The following WDR64 variants were observed in gnomAD, a reference collection of about 807,000 sequenced individuals.
The protein encoded by WDR64 is WD repeat domain 64.
A neutral mutation model predicts 139.3 loss-of-function variants in WDR64; 112 were observed. The ratio of observed to expected loss-of-function variants is 0.80; its 90% confidence interval spans 0.69 to 0.94. WDR64 has a LOEUF of 0.94. Ranked by LOEUF, WDR64 falls within the 40% of genes least tolerant of loss-of-function variation. The probability of loss-of-function intolerance (pLI) is 0.00; values close to 1 mark genes in which losing one functional copy is unlikely to be tolerated. For synonymous variants in WDR64, 444 were observed against 437.7 expected (o/e 1.01, Z -0.18); for missense variants, 1,206 against 1,293.1 (o/e 0.93, Z 1.03).
intron 15 of WDR64, among the ~76,000 whole-genome samples, chr1:241,761,703 A>G (rs1433623742): frequency 6.6e-6 from 1 of 152,180 alleles, no homozygotes; most frequent in Non-Finnish European, 1.5e-5. Flanking sequence ...AATTCTCTTA[A>G]ACCCTGCCTC....
In WDR64 at chr1:241,783,398, T is replaced by A. The variant is rs762166805; in HGVS notation, c.2705+17T>A. The A allele has an allele frequency of 1.3e-6, 2 of 1,581,700 alleles. No homozygotes were observed. The highest frequency in any genetic ancestry group is 1.7e-6 in the Non-Finnish European group (2 of 1,152,590). On this transcript the variant is annotated intron_variant, in intron 23 of 27. Coordinates refer to ENST00000437684, the MANE Select transcript of WDR64 (RefSeq NM_001367482.1). ...CTCAGTAAGGTAGGCCAAGATGGCA[T>A]CATACTGTGAATTCAGTACTGTGAG...
chr1:241,733,399 C>T (rs1350011995), intron 10 of WDR64, among the ~76,000 whole-genome samples: 2 of 151,686 alleles, frequency 1.3e-5, no homozygotes, highest in East Asian at 1.9e-4. Context: ...TGCTTGAACC[C>T]GGGAGATGGA....
At chr1:241,735,326 C>A (rs1236183596) in intron 10 of WDR64, among the ~76,000 whole-genome samples, 1 of 137,666 alleles carries the variant, frequency 7.3e-6, no homozygotes, top group African/African-American at 2.7e-5. Context: ...TGAGTAGTTT[C>A]TACACTTTGT....
chr1:241,773,855 A>G (rs1658554261), intron 20 of WDR64, among the ~76,000 whole-genome samples: 2 of 152,198 alleles, frequency 1.3e-5, no homozygotes, highest in African/African-American at 2.4e-5. Context: ...TAAATATCTT[A>G]CTGGATATTT....
At chr1:241,690,585 G>A (rs1667181548) in intron 8 of WDR64, among the ~76,000 whole-genome samples, 1 of 152,138 alleles carries the variant, frequency 6.6e-6, no homozygotes, top group South Asian at 2.1e-4. Context: ...AAGAACAGTT[G>A]AGTGAAATAT....
At chr1:241,726,888 C>G (rs10802984) in intron 10 of WDR64, among the ~76,000 whole-genome samples, 62,757 of 150,884 alleles carry the variant, frequency 0.42, 13,116 homozygotes, top group South Asian at 0.48. Context: ...GTAATAAGGA[C>G]AAAGTTTTTT....
At chr1:241,754,587 GA>G (rs1225922673) in intron 14 of WDR64, among the ~76,000 whole-genome samples, 5 of 152,024 alleles carry the variant, frequency 3.3e-5, no homozygotes. Context: ...CAAAGTGCTG[GA>G]ATTACAGGCG....
chr1:241,739,925 T>C (rs1434516733), intron 11 of WDR64, among the ~76,000 whole-genome samples: 1 of 152,236 alleles, frequency 6.6e-6, no homozygotes, highest in African/African-American at 2.4e-5. Flanking sequence ...CCAATGACAG[T>C]AGCACCACGT....
intron 21 of WDR64, among the ~76,000 whole-genome samples, chr1:241,777,522 A>C (rs1658697676): frequency 6.6e-6 from 1 of 151,082 alleles, no homozygotes; most frequent in Non-Finnish European, 1.5e-5. Context: ...GGTTCAAGCA[A>C]TTTTCCCACC....
At chr1:241,709,643 G>T (rs1413513511) in intron 8 of WDR64, among the ~76,000 whole-genome samples, 2 of 152,118 alleles carry the variant, frequency 1.3e-5, no homozygotes, top group African/African-American at 2.4e-5. Flanking sequence ...GTTAGGCTTT[G>T]TGAGCCCCAG....
intron 10 of WDR64, among the ~76,000 whole-genome samples, chr1:241,726,908 C>G (rs1258449478): frequency 6.7e-6 from 1 of 148,582 alleles, no homozygotes; most frequent in African/African-American, 2.5e-5. Context: ...TTTTTTGAGA[C>G]GAAGTTTCAT....
chr1:241,785,410 G>T (rs1036652283), intron 23 of WDR64, among the ~76,000 whole-genome samples: 12 of 152,074 alleles, frequency 7.9e-5, no homozygotes, highest in African/African-American at 2.9e-4. Flanking sequence ...GCTCCCTCGG[G>T]CCTCTTTTTA....
At chr1:241,708,679 G>T (rs1005645781) in intron 8 of WDR64, among the ~76,000 whole-genome samples, 3 of 141,468 alleles carry the variant, frequency 2.1e-5, no homozygotes, top group African/African-American at 8.2e-5. Context: ...TCAAGTTAGG[G>T]CTGAGGTCCA....
chr1:241,751,302 A>G (rs1198040141), intron 14 of WDR64, among the ~76,000 whole-genome samples: 2 of 152,162 alleles, frequency 1.3e-5, no homozygotes, highest in African/African-American at 2.4e-5. Flanking sequence ...AACAAGCTTT[A>G]TAATAAATTT....
At chr1:241,675,123 C>CCTGCCTCCCTT (rs1666471264) in intron 4 of WDR64, among the ~76,000 whole-genome samples, 1 of 17,298 alleles carries the variant, frequency 5.8e-5, no homozygotes, top group Non-Finnish European at 8.8e-5. Context: ...CTCCCTCCCT[C>CCTGCCTCCCTT]CTTCCCTCCT....
At position 241,677,286 on chromosome 1, in the gene WDR64, TCTGTTCTGCTACTCA is replaced by T. The variant is rs1666593572; in HGVS notation, c.484-899_484-885del. On this transcript the variant is annotated intron_variant, in intron 4 of 27. Transcript: ENST00000437684. The stretch of plus-strand genomic sequence containing the variant: ...AAAGAGAAACAGAAACCACAGGTGT[TCTGTTCTGCTACTCA>T]CCGGTTTTCTTACAGCGATGTATTT... The T allele has an allele frequency of 4.5e-5, 18 of 398,506 alleles. No homozygotes were observed. In the East Asian group the frequency reaches 6.4e-4, roughly 14 times the overall value. The allele number at this position is 398,506 out of a possible 1,614,324, so 24.7% of individuals were successfully genotyped here. A position where few individuals can be genotyped will look rare whatever the true frequency, so the allele number is the denominator to read the frequency against.
Position 241,703,462 on chromosome 1 carries a change from T to TG in WDR64, c.975-8340_975-8339insG, listed in dbSNP as rs1667810686. On this transcript the variant is annotated intron_variant, in intron 8 of 27. Coordinates refer to ENST00000437684, the MANE Select transcript of WDR64 (RefSeq NM_001367482.1). This position sits in a 1 kb window ranked among gnomAD's most constrained non-coding sequence, Gnocchi z 5.9. ...TTGATAGGGGACTCTATCAAAAAGT[T>TG]TTTTTTTTTTTTCTGTTTTGAAGAA... 2.0e-5 allele frequency among the ~76,000 whole-genome samples: 3 copies of TG among 150,504 alleles called. No homozygotes were observed. Among genetic ancestry groups the TG allele is most frequent in the Admixed American group, 1.3e-4 (2 of 15,048 alleles).
At chr1:241,775,545 T>A (rs1658629358) in intron 21 of WDR64, among the ~76,000 whole-genome samples, 1 of 152,056 alleles carries the variant, frequency 6.6e-6, no homozygotes, top group Admixed American at 6.6e-5. Context: ...GCATTAATCT[T>A]AATTATTAAA....
intron 8 of WDR64, among the ~76,000 whole-genome samples, chr1:241,698,116 G>A (rs1406793283): frequency 6.6e-6 from 1 of 152,064 alleles, no homozygotes; most frequent in Non-Finnish European, 1.5e-5. Context: ...TCTGCACTTG[G>A]ATATCTCATA....
Sources: gnomAD v4.1 joint callset for allele counts (sites outside exome capture counted in the v4.1 genomes callset) on GRCh38, gnomAD v4.1.1 for gene constraint, Gnocchi (gnomAD v3.1) non-coding constraint, MANE v1.5 for transcripts, NCBI Gene and HGNC (gene_info 2026-07-23, HGNC 2026-07-21) for gene names.